ZFHX4: variants seen among roughly 807,000 people sequenced by gnomAD.
ZFHX4 encodes zinc finger homeobox 4, also known as zinc finger homeobox protein 4.
ZFHX4 carries 56 observed loss-of-function variants against 267.6 expected under a neutral mutation model. That is an observed-to-expected ratio of 0.21 (90% CI 0.17 to 0.26). The LOEUF is 0.26. Among genes scored for constraint, ZFHX4 ranks in the 10% least tolerant of loss-of-function variants. The pLI is 1.00. For synonymous variants in ZFHX4, 1,778 were observed against 1,665.6 expected (o/e 1.07, Z -1.64); for missense variants, 4,332 against 4,420.0 (o/e 0.98, Z 0.56).
At chr8:76,729,516 G>A (rs542750211) in intron 3 of ZFHX4, among the ~76,000 whole-genome samples, 1 of 152,206 alleles carries the variant, frequency 6.6e-6, no homozygotes, top group South Asian at 2.1e-4. Context: ...GAGCAAAGAT[G>A]ATTTCTGTTG....
At chr8:76,768,324 G>C (rs951596847) in intron 3 of ZFHX4, among the ~76,000 whole-genome samples, 1 of 152,154 alleles carries the variant, frequency 6.6e-6, no homozygotes, top group Non-Finnish European at 1.5e-5. Flanking sequence ...TTAATTGCAG[G>C]AGTGGCATAA....
chr8:76,783,439 A>G (rs1810605108), intron 4 of ZFHX4, among the ~76,000 whole-genome samples: 1 of 152,064 alleles, frequency 6.6e-6, no homozygotes, highest in Admixed American at 6.6e-5. Context: ...AACCATTTGA[A>G]CATACACTTT....
intron 4 of ZFHX4, among the ~76,000 whole-genome samples, chr8:76,818,882 A>G (rs1811571955): frequency 1.3e-5 from 2 of 152,084 alleles, no homozygotes; most frequent in Non-Finnish European, 2.9e-5. Flanking sequence ...ATGACACTGC[A>G]CTCCAGCCTA....
chr8:76,823,260 TC>T (rs967317172), intron 4 of ZFHX4, among the ~76,000 whole-genome samples: 31 of 151,898 alleles, frequency 2.0e-4, no homozygotes, highest in African/African-American at 7.5e-4. Flanking sequence ...TCCAAGGAAC[TC>T]TTTGCCAATA....
At chr8:76,702,897 G>T (rs1808140619) in intron 1 of ZFHX4, among the ~76,000 whole-genome samples, 1 of 151,884 alleles carries the variant, frequency 6.6e-6, no homozygotes, top group Non-Finnish European at 1.5e-5. Flanking sequence ...TGAGAGATCT[G>T]CAGGGACTCA....
At chr8:76,771,820 T>C (rs745392466) in intron 3 of ZFHX4, among the ~76,000 whole-genome samples, 1 of 152,106 alleles carries the variant, frequency 6.6e-6, no homozygotes, top group Non-Finnish European at 1.5e-5. Context: ...TGTTGATAGA[T>C]TGGGAAATAA....
rs761106000 is a variant in ZFHX4 at position 76,707,676 on chromosome 8, T to C, written c.2721T>C (p.Ala907=). ...CAGCGCTGAAGCTATTCCAGTGTGC[T>C]GTTTGCAACAAATTCACCTCTGACA... is the stretch of plus-strand genomic sequence containing the variant. ...SDPALKLFQC[A]VCNKFTSDSL... The change falls in exon 3 of 11, where the codon GCT becomes GCC. Residue 907 remains alanine, a synonymous_variant. Coordinates refer to ENST00000651372, the MANE Select transcript of ZFHX4 (RefSeq NM_024721.5). 9 of 1,613,926 alleles carry C rather than the reference T, an allele frequency of 5.6e-6. No individual in the cohort carries two copies. The highest frequency in any genetic ancestry group is 1.3e-5 in the African/African-American group (1 of 75,014).
intron 10 of ZFHX4, among the ~76,000 whole-genome samples, chr8:76,857,814 T>C (rs964853553): frequency 6.6e-6 from 1 of 151,846 alleles, no homozygotes; most frequent in Admixed American, 6.6e-5. Context: ...AAAATACAAG[T>C]GTTTGAAGAA....
intron 3 of ZFHX4, among the ~76,000 whole-genome samples, chr8:76,727,930 C>T (rs1484266970): frequency 1.3e-5 from 2 of 152,144 alleles, no homozygotes; most frequent in Admixed American, 6.5e-5. Context: ...TAGAACTTCA[C>T]CTCACTTGTT....
intron 3 of ZFHX4, among the ~76,000 whole-genome samples, chr8:76,730,698 G>GA (rs1478439974): frequency 5.3e-5 from 8 of 151,892 alleles, no homozygotes; most frequent in African/African-American, 1.7e-4. Flanking sequence ...GACTCCATCT[G>GA]AAAAAATAAA....
chr8:76,855,557 A>G lies in ZFHX4; in HGVS notation c.8636A>G (p.Asp2879Gly). Residue 2879 changes from aspartate (D) to glycine (G), a missense_variant, in exon 10 of 11, where the codon GAT becomes GGT. Physicochemically the swap from Asp to Gly is moderately conservative, Grantham distance 94. Around this residue, in one of 7 missense-constraint regions of ZFHX4, gnomAD observed 1,648 missense variants for 1,625.0 expected, o/e 1.01. Transcript: ENST00000651372. ...TSPSIHFNDK[D>G]GDHDQSFYIT... ...CCATCCATCCATTTCAATGACAAAG[A>G]TGGCGACCACGACCAAAGCTTTTAC... The G allele has an allele frequency of 6.2e-7, 1 of 1,613,890 alleles. No individual in the cohort carries two copies. The highest frequency in any genetic ancestry group is 8.5e-7 in the Non-Finnish European group (1 of 1,179,860).
At chr8:76,803,680 T>A (rs1811175175) in intron 4 of ZFHX4, among the ~76,000 whole-genome samples, 1 of 152,090 alleles carries the variant, frequency 6.6e-6, no homozygotes, top group Non-Finnish European at 1.5e-5. Context: ...ATATTTGATT[T>A]AATATAAGCC....
intron 4 of ZFHX4, among the ~76,000 whole-genome samples, chr8:76,826,193 T>C (rs1223802247): frequency 6.6e-6 from 1 of 151,564 alleles, no homozygotes; most frequent in Non-Finnish European, 1.5e-5. Context: ...AAGGGGAAGG[T>C]CCCAGACTCT....
rs768237458 is a variant in ZFHX4 at position 76,850,220 on chromosome 8, A to G, written c.3847-25A>G. On this transcript the variant is annotated intron_variant, in intron 8 of 10. Coordinates refer to ENST00000651372, the MANE Select transcript of ZFHX4 (RefSeq NM_024721.5). ...ATTTGTGATTTCTGGGGTACATTTA[A>G]CATAAACCCCTTTGGTTTCCAAAGG... The G allele has an allele frequency of 2.1e-5, 33 of 1,575,240 alleles. No homozygotes were observed. The South Asian group carries it at 3.5e-4, about 17-fold the overall frequency.
intron 3 of ZFHX4, among the ~76,000 whole-genome samples, chr8:76,738,396 T>C (rs1174370401): frequency 1.3e-5 from 2 of 152,166 alleles, no homozygotes; most frequent in African/African-American, 4.8e-5. Context: ...TGGCTGATCA[T>C]GTAGCAAGTT....
chr8:76,727,431 C>G (rs1563487273), intron 3 of ZFHX4, among the ~76,000 whole-genome samples: 1 of 152,048 alleles, frequency 6.6e-6, no homozygotes, highest in Non-Finnish European at 1.5e-5. Context: ...AACCTTTATC[C>G]AGATTTAACA....
rs754668761 is a variant in ZFHX4, at chr8:76,852,910, C to G, written c.5989C>G (p.Pro1997Ala). ...CTATGACAAGCTTTATCCAATTTCT[C>G]CATCTTCTCCAGAAACGCCGCCCCC... Reference protein sequence around the residue: ...EAYDKLYPISPSSPETPPPPP... With the variant: ...EAYDKLYPISASSPETPPPPP... Residue 1997 changes from proline to alanine, a missense_variant, in exon 10 of 11, where the codon CCA (proline) becomes GCA (alanine). Coordinates refer to ENST00000651372, the MANE Select transcript of ZFHX4 (RefSeq NM_024721.5). The G allele has an allele frequency of 3.7e-5, 60 of 1,609,958 alleles. No homozygotes were observed. Among genetic ancestry groups the G allele is most frequent in the Non-Finnish European group, 4.9e-5 (58 of 1,177,924 alleles).
intron 1 of ZFHX4, 130 bp from the exon 2 acceptor site, chr8:76,703,913 C>G: frequency 1.5e-6 from 1 of 662,086 alleles, no homozygotes; most frequent in Non-Finnish European, 2.5e-6. Flanking sequence ...ATAGGCACGC[C>G]GGTTTTAAGT....
chr8:76,811,916 T>C (rs1811388593), intron 4 of ZFHX4, among the ~76,000 whole-genome samples: 1 of 152,066 alleles, frequency 6.6e-6, no homozygotes, highest in Non-Finnish European at 1.5e-5. Context: ...AAGAGCGAAA[T>C]TCCGTCTCAA....
Sources: gnomAD v4.1 joint callset for allele counts (sites outside exome capture counted in the v4.1 genomes callset) on GRCh38, gnomAD v4.1.1 for gene constraint, gnomAD v4.1.1 regional missense constraint, MANE v1.5 for transcripts, NCBI Gene and HGNC (gene_info 2026-07-23, HGNC 2026-07-21) for gene names.